CACNA1E: variants seen among roughly 807,000 people sequenced by gnomAD.
CACNA1E encodes voltage-dependent R-type calcium channel subunit alpha-1E.
In CACNA1E, 40 loss-of-function variants were observed where a neutral mutation model predicts 259.2. That is an observed-to-expected ratio of 0.15 (90% CI 0.12 to 0.20). The LOEUF (loss-of-function observed/expected upper bound fraction) is 0.20. CACNA1E is among the 10% of genes least tolerant of loss of function. The pLI, the probability that CACNA1E is intolerant of heterozygous loss-of-function variation, is 1.00. For synonymous variants in CACNA1E, 1,104 were observed against 1,138.5 expected, an observed-to-expected ratio of 0.97 and a Z score of 0.61; for missense variants, 1,874 against 3,040.1, an observed-to-expected ratio of 0.62 and a Z score of 9.02.
chr1:181,499,327 T>C (rs1665044724), intron 1 of CACNA1E, among the ~76,000 whole-genome samples: 1 of 152,232 alleles, frequency 6.6e-6, no homozygotes, highest in African/African-American at 2.4e-5. Context: ...TAAAAAGATC[T>C]TTAGATCCCT....
intron 35 of CACNA1E, among the ~76,000 whole-genome samples, chr1:181,769,816 G>A (rs1427474699): frequency 1.3e-5 from 2 of 152,184 alleles, no homozygotes; most frequent in East Asian, 1.9e-4. Context: ...CAAACCAAGA[G>A]GGAAGAAGAG....
chr1:181,475,685 A>C (rs921227757), intron 2 of CACNA1E, among the ~76,000 whole-genome samples: 3 of 152,188 alleles, frequency 2.0e-5, no homozygotes, highest in Non-Finnish European at 4.4e-5. Flanking sequence ...GCCATTTTAT[A>C]GGCAGTGGGG....
At chr1:181,680,017 A>G (rs1014017412) in intron 7 of CACNA1E, among the ~76,000 whole-genome samples, 4 of 148,304 alleles carry the variant, frequency 2.7e-5, no homozygotes, top group Non-Finnish European at 5.9e-5. Flanking sequence ...GGAGGCTGAG[A>G]CAGGCAGGTT....
At position 181,513,883 on chromosome 1, in the gene CACNA1E, T is replaced by C. The variant is rs57259517; in HGVS notation, c.512+2373T>C. Among the ~76,000 whole-genome samples, 323 of 152,302 alleles carry C rather than the reference T, an allele frequency of 2.1e-3. 2 individuals are homozygous for C. Among genetic ancestry groups the C allele is most frequent in the African/African-American group, 6.9e-3 (287 of 41,568 alleles). On this transcript the variant is annotated intron_variant, in intron 3 of 47. Coordinates refer to ENST00000367573, the MANE Select transcript of CACNA1E (RefSeq NM_001205293.3). ...TCCCATCCCTCACATCTTCCCTTCT[T>C]AGTGGCTCTTCAGATGTCCCTGGCT...
At chr1:181,664,617 A>T (rs1467311252) in intron 7 of CACNA1E, among the ~76,000 whole-genome samples, 1 of 152,104 alleles carries the variant, frequency 6.6e-6, no homozygotes, top group East Asian at 1.9e-4. Flanking sequence ...TATTAATTAA[A>T]ATTCTGTCTC....
At chr1:181,557,511 A>G (rs1489829760) in intron 3 of CACNA1E, among the ~76,000 whole-genome samples, 2 of 152,190 alleles carry the variant, frequency 1.3e-5, no homozygotes, top group East Asian at 1.9e-4. Flanking sequence ...TCCTGTTCGC[A>G]TGCCAAGTAC....
chr1:181,791,879 A>G (rs777358164), intron 44 of CACNA1E, among the ~76,000 whole-genome samples: 4 of 152,110 alleles, frequency 2.6e-5, no homozygotes, highest in Non-Finnish European at 5.9e-5. Context: ...TGGAATGGGC[A>G]CCCCCACAGA....
intron 2 of CACNA1E, among the ~76,000 whole-genome samples, chr1:181,449,611 T>A (rs1056896830): frequency 2.0e-5 from 3 of 152,182 alleles, no homozygotes; most frequent in Admixed American, 6.5e-5. Context: ...GAAGTGTGCA[T>A]GAAGTGGTGT....
chr1:181,549,061 C>A (rs1647840309), intron 3 of CACNA1E, among the ~76,000 whole-genome samples: 2 of 152,164 alleles, frequency 1.3e-5, no homozygotes, highest in African/African-American at 4.8e-5. Flanking sequence ...GATCCCAAGC[C>A]TCTGAGAGCT....
chr1:181,641,703 GTTTTTTTTTTTT>G lies in CACNA1E; in HGVS notation c.952-9618_952-9607del, dbSNP rs751082929. ...GATCATGAGGCAACACTAATTTTTT[GTTTTTTTTTTTT>G]TTTTTTTTTTTTTTTTGAGACAGAG... On this transcript the variant is annotated intron_variant, in intron 6 of 47. Coordinates refer to ENST00000367573, the MANE Select transcript of CACNA1E (RefSeq NM_001205293.3). 2.3e-4 allele frequency among the ~76,000 whole-genome samples: 19 copies of G among 81,126 alleles called. No homozygotes were observed. In the East Asian group the frequency reaches 3.5e-3, roughly 15 times the overall value. 53.2% of individuals were successfully genotyped at this position (81,126 alleles called of 152,430 possible). A position where few individuals can be genotyped will look rare whatever the true frequency, so the allele number is the denominator to read the frequency against.
intron 6 of CACNA1E, among the ~76,000 whole-genome samples, chr1:181,602,109 T>A (rs910784516): frequency 2.0e-5 from 3 of 152,230 alleles, no homozygotes; most frequent in African/African-American, 7.2e-5. Flanking sequence ...AGTACTCTCT[T>A]AACTCCCTTT....
intron 2 of CACNA1E, among the ~76,000 whole-genome samples, chr1:181,456,831 G>C (rs1558018561): frequency 6.6e-6 from 1 of 152,184 alleles, no homozygotes; most frequent in African/African-American, 2.4e-5. Context: ...GTTAGCTGTG[G>C]GGCCGTGGGA....
chr1:181,673,224 G>A (rs201861900), intron 7 of CACNA1E, among the ~76,000 whole-genome samples: 3 of 4,788 alleles, frequency 6.3e-4, no homozygotes, highest in Admixed American at 4.9e-3. Flanking sequence ...ATATGAGTAT[G>A]TGTGTGTGTG....
chr1:181,736,184 C>G, intron 21 of CACNA1E, 91 bp from the exon 22 acceptor site: 26 of 1,453,176 alleles, frequency 1.8e-5, no homozygotes, highest in Non-Finnish European at 2.3e-5. Flanking sequence ...AGCCCTTTCT[C>G]CTCCTCTCCT....
In CACNA1E at chr1:181,483,845, G is replaced by A; in HGVS notation, c.101G>A (p.Gly34Glu). ...NRQGTPVPAS[G>E]QAAAYKQTKA... ...CAAGGAACCCCCGTGCCGGCCTCGG[G>A]GCAGGCGGCCGCCTACAAGCAGACG... is the stretch of plus-strand genomic sequence containing the variant. Residue 34 changes from glycine to glutamate, a missense_variant, in exon 1 of 48, where the codon GGG becomes GAG. This residue lies in a region of CACNA1E where 110 missense variants were observed against 122.8 expected (regional missense o/e 0.90). Coordinates refer to ENST00000367573, the MANE Select transcript of CACNA1E (RefSeq NM_001205293.3). The A allele has an allele frequency of 6.2e-7, 1 of 1,613,724 alleles. No individual in the cohort carries two copies. The highest frequency in any genetic ancestry group is 8.5e-7 in the Non-Finnish European group (1 of 1,179,814).
intron 25 of CACNA1E, among the ~76,000 whole-genome samples, chr1:181,747,469 T>A (rs1458796992): frequency 7.4e-6 from 1 of 135,632 alleles, no homozygotes. Context: ...TTTTTTTTTT[T>A]ACTGGAGAGC....
chr1:181,567,804 G>C (rs1649995267), intron 3 of CACNA1E, among the ~76,000 whole-genome samples: 1 of 152,186 alleles, frequency 6.6e-6, no homozygotes, highest in African/African-American at 2.4e-5. Flanking sequence ...CTGTGGATCA[G>C]CTCCTTTGGA....
chr1:181,708,302 C>T (rs1351362536), intron 7 of CACNA1E, among the ~76,000 whole-genome samples: 1 of 152,076 alleles, frequency 6.6e-6, no homozygotes, highest in East Asian at 1.9e-4. Context: ...AGAAGAGGGG[C>T]TAATAGAGTA....
chr1:181,395,612 T>C (rs1361822880), intron 1 of CACNA1E, among the ~76,000 whole-genome samples: 1 of 152,178 alleles, frequency 6.6e-6, no homozygotes, highest in Non-Finnish European at 1.5e-5. Flanking sequence ...AAAAAATATT[T>C]GGAACTTTCA....
Sources: allele counts gnomAD v4.1 joint callset (sites outside exome capture counted in the v4.1 genomes callset), GRCh38; gene constraint gnomAD v4.1.1; regional missense constraint gnomAD v4.1.1; transcripts MANE v1.5; gene names NCBI Gene and HGNC (gene_info 2026-07-23, HGNC 2026-07-21).